Variants in RABGAP1L observed in about 807,000 individuals in gnomAD.
The protein encoded by RABGAP1L is rab GTPase-activating protein 1-like.
A neutral mutation model predicts 137.7 loss-of-function variants in RABGAP1L; 63 were observed. The observed-to-expected ratio is 0.46, with a 90% CI of 0.37 to 0.56. The LOEUF (loss-of-function observed/expected upper bound fraction) is 0.56. Ranked by LOEUF, RABGAP1L falls within the 20% of genes least tolerant of loss-of-function variation. RABGAP1L has a pLI of 0.00. For missense variants in RABGAP1L, 1,095 were observed against 1,244.0 expected (o/e 0.88, Z 1.80); for synonymous variants, 431 against 433.7 (o/e 0.99, Z 0.08).
At chr1:174,361,156 C>T (rs949927046) in intron 11 of RABGAP1L, among the ~76,000 whole-genome samples, 2 of 151,802 alleles carry the variant, frequency 1.3e-5, no homozygotes, top group African/African-American at 2.4e-5. Flanking sequence ...TCATGCAAGT[C>T]CCATGCTGTT....
At chr1:174,288,318 A>G (rs184240233) in intron 10 of RABGAP1L, among the ~76,000 whole-genome samples, 93 of 152,270 alleles carry the variant, frequency 6.1e-4, no homozygotes, top group South Asian at 3.5e-3. Context: ...ATACATTTAT[A>G]TGTTTTTACA....
At chr1:174,434,422 C>T (rs1470215309) in intron 13 of RABGAP1L, among the ~76,000 whole-genome samples, 1 of 152,112 alleles carries the variant, frequency 6.6e-6, no homozygotes, top group African/African-American at 2.4e-5. Flanking sequence ...CATTTTTATA[C>T]ATACTGCTAT....
intron 13 of RABGAP1L, among the ~76,000 whole-genome samples, chr1:174,397,331 G>C (rs1647989541): frequency 6.6e-6 from 1 of 152,204 alleles, no homozygotes; most frequent in Non-Finnish European, 1.5e-5. Context: ...GTGGTTGGCA[G>C]ATACCTGGGC....
chr1:174,950,395 G>A lies in RABGAP1L; in HGVS notation c.2341-7062G>A, dbSNP rs58363175. Among the ~76,000 whole-genome samples, 725 of 152,244 alleles carry A rather than the reference G, an allele frequency of 4.8e-3. 7 individuals carry two copies. The highest frequency in any genetic ancestry group is 0.016 in the African/African-American group (684 of 41,536). ...GTTCCCTCTCCTCCTAGTGCTAAAA[G>A]CTTAAAAGGAGTCAAAGTGACTTCT... On this transcript the variant is annotated intron_variant, in intron 19 of 25. Transcript: ENST00000681986.
At chr1:174,985,397 A>T (rs375906255) in intron 24 of RABGAP1L, among the ~76,000 whole-genome samples, 1 of 152,188 alleles carries the variant, frequency 6.6e-6, no homozygotes, top group Admixed American at 6.5e-5. Context: ...GTACAAAATT[A>T]AAAAAGAAAA....
chr1:174,662,719 TAA>T (rs1374944763), intron 14 of RABGAP1L, among the ~76,000 whole-genome samples: 1 of 152,178 alleles, frequency 6.6e-6, no homozygotes, highest in Non-Finnish European at 1.5e-5. Flanking sequence ...CCACTGGAGA[TAA>T]CATCTCCATG....
At chr1:174,494,637 G>A (rs116270194) in intron 13 of RABGAP1L, among the ~76,000 whole-genome samples, 401 of 152,260 alleles carry the variant, frequency 2.6e-3, no homozygotes, top group Non-Finnish European at 4.1e-3. Context: ...TAGGTGGCCA[G>A]TAGAAAGAAT....
intron 1 of RABGAP1L, among the ~76,000 whole-genome samples, chr1:174,163,242 G>A (rs998314884): frequency 2.6e-5 from 4 of 152,192 alleles, no homozygotes; most frequent in Admixed American, 6.5e-5. Context: ...TTTATAGTCA[G>A]TATTTGAATT....
chr1:174,349,529 G>A (rs1163003701), intron 11 of RABGAP1L, among the ~76,000 whole-genome samples: 28 of 133,500 alleles, frequency 2.1e-4, no homozygotes, highest in Non-Finnish European at 4.0e-4. Flanking sequence ...CAGTAGGGGC[G>A]GCCGGGCAGA....
At chr1:174,896,646 C>G (rs1657230465) in intron 19 of RABGAP1L, among the ~76,000 whole-genome samples, 1 of 152,174 alleles carries the variant, frequency 6.6e-6, no homozygotes, top group Non-Finnish European at 1.5e-5. Context: ...CCAGTTTTAG[C>G]TTTCTATGTA....
chr1:174,324,168 T>C (rs1287881393), intron 11 of RABGAP1L, among the ~76,000 whole-genome samples: 13 of 152,158 alleles, frequency 8.5e-5, no homozygotes, highest in African/African-American at 2.9e-4. Context: ...TCAATATTCA[T>C]TTTTTCTCAT....
rs1410560079 is a variant in RABGAP1L, at chr1:174,159,623, T to A, written c.-68T>A. On this transcript the variant is annotated 5_prime_UTR_variant, in exon 1 of 26. Transcript: ENST00000681986. ...GTGGAACGCGGGCGCCTGAAGGAGT[T>A]GTTGTCTCGGCAGCGCCCGCGGAGA... The A allele has an allele frequency of 6.6e-6, 1 of 151,924 alleles. No homozygotes were observed. The highest frequency in any genetic ancestry group is 1.5e-5 in the Non-Finnish European group (1 of 68,048). The allele number at this position is 151,924 out of a possible 1,614,324, so 9.4% of individuals were successfully genotyped here.
chr1:174,534,805 T>G (rs61175204), intron 13 of RABGAP1L, among the ~76,000 whole-genome samples: 8 of 97,116 alleles, frequency 8.2e-5, no homozygotes, highest in South Asian at 3.6e-4. Context: ...AAAAAAAAAA[T>G]AATTAGAATA....
chr1:174,369,038 C>T (rs1684879468), intron 11 of RABGAP1L, among the ~76,000 whole-genome samples: 1 of 152,118 alleles, frequency 6.6e-6, no homozygotes, highest in African/African-American at 2.4e-5. Flanking sequence ...TTATTAGTTA[C>T]TGTGGATCAG....
At chr1:174,800,358 C>T (rs1296002391) in intron 18 of RABGAP1L, 6 of 1,550,514 alleles carry the variant, frequency 3.9e-6, no homozygotes, top group Non-Finnish European at 5.2e-6. Flanking sequence ...CCCTGCCCAG[C>T]CCCAGCTGCT....
At chr1:174,358,930 A>AAATTAT (rs1269805299) in intron 11 of RABGAP1L, among the ~76,000 whole-genome samples, 1 of 152,200 alleles carries the variant, frequency 6.6e-6, no homozygotes, top group Non-Finnish European at 1.5e-5. Context: ...ATGTAGAGGA[A>AAATTAT]AATTATAATT....
At chr1:174,518,069 C>T (rs1352496983) in intron 13 of RABGAP1L, among the ~76,000 whole-genome samples, 1 of 152,002 alleles carries the variant, frequency 6.6e-6, no homozygotes. Flanking sequence ...ATTAAAATCG[C>T]CTAAGGGAAG....
chr1:174,212,676 GAAAT>G (rs1668988957), intron 1 of RABGAP1L, among the ~76,000 whole-genome samples: 2 of 151,868 alleles, frequency 1.3e-5, no homozygotes, highest in Admixed American at 1.3e-4. Flanking sequence ...TAGAAAAAAA[GAAAT>G]AATAAAGATC....
At chr1:174,693,031 A>T (rs1234947827) in intron 15 of RABGAP1L, among the ~76,000 whole-genome samples, 2 of 152,150 alleles carry the variant, frequency 1.3e-5, no homozygotes, top group Non-Finnish European at 2.9e-5. Context: ...TATATTCATG[A>T]TCTGTTTCTG....
Sources: allele counts gnomAD v4.1 joint callset (sites outside exome capture counted in the v4.1 genomes callset), GRCh38; gene constraint gnomAD v4.1.1; transcripts MANE v1.5; gene names NCBI Gene and HGNC (gene_info 2026-07-23, HGNC 2026-07-21).